Variants in STAT3 observed in about 807,000 individuals in gnomAD.
The protein encoded by STAT3 is DNA-binding protein APRF.
In STAT3, 7 loss-of-function variants were observed where a neutral mutation model predicts 114.3. The ratio of observed to expected loss-of-function variants is 0.06; its 90% CI spans 0.03 to 0.11. The LOEUF (loss-of-function observed/expected upper bound fraction) is 0.11, where lower values mean the gene tolerates loss of function less well. STAT3 is among the 10% of genes least tolerant of loss of function. The pLI is 1.00. For missense variants in STAT3, 364 were observed against 960.9 expected (o/e 0.38, Z 8.21); for synonymous variants, 331 against 354.5 (o/e 0.93, Z 0.74).
intron 1 of STAT3, among the ~76,000 whole-genome samples, chr17:42,375,770 G>T (rs2084415846): frequency 6.6e-6 from 1 of 151,070 alleles, no homozygotes; most frequent in Admixed American, 6.6e-5. Context: ...CGGAGGTTGT[G>T]GTGAGCCGAG....
At chr17:42,345,870 T>C (rs1383490154) in intron 3 of STAT3, among the ~76,000 whole-genome samples, 1 of 140,158 alleles carries the variant, frequency 7.1e-6, no homozygotes, top group Non-Finnish European at 1.5e-5. Flanking sequence ...CACATTAGCC[T>C]GAGTCTTTTT....
intron 1 of STAT3, among the ~76,000 whole-genome samples, chr17:42,384,508 G>A (rs1446130549): frequency 2.0e-5 from 3 of 151,708 alleles, no homozygotes; most frequent in Non-Finnish European, 4.4e-5. Flanking sequence ...TCTTTTGTAA[G>A]TAATCACTTC....
intron 1 of STAT3, among the ~76,000 whole-genome samples, chr17:42,369,221 G>A (rs889903135): frequency 2.6e-5 from 4 of 152,140 alleles, no homozygotes; most frequent in Admixed American, 1.3e-4. Flanking sequence ...AGCCAGGCAT[G>A]GTGGAGGGCA....
In STAT3 at chr17:42,315,621, TA is replaced by T. The variant is rs201259337; in HGVS notation, c.*123del. ...CTCAAAGATAGCAGAAGTAGGAGAT[TA>T]AAAAAAATCTGGAACCACAAAGTTA... is the stretch of plus-strand genomic sequence containing the variant. On this transcript the variant is annotated 3_prime_UTR_variant, in exon 24 of 24. Transcript: ENST00000264657. 56 of 995,876 alleles carry T rather than the reference TA, an allele frequency of 5.6e-5. No individual in the cohort carries two copies. Among genetic ancestry groups the T allele is most frequent in the Non-Finnish European group, 7.8e-5 (49 of 631,580 alleles). 61.7% of individuals were successfully genotyped at this position (995,876 alleles called of 1,614,324 possible). A position where few individuals can be genotyped will look rare whatever the true frequency, so the allele number is the denominator to read the frequency against.
intron 1 of STAT3, among the ~76,000 whole-genome samples, chr17:42,360,968 G>C (rs2083479323): frequency 6.6e-6 from 1 of 152,128 alleles, no homozygotes; most frequent in African/African-American, 2.4e-5. Context: ...TTACAGAAGA[G>C]TGGCCCCTCA....
chr17:42,371,548 C>T (rs1044353409), intron 1 of STAT3, among the ~76,000 whole-genome samples: 1 of 149,412 alleles, frequency 6.7e-6, no homozygotes, highest in Non-Finnish European at 1.5e-5. Context: ...TAGTGGCGGG[C>T]GCCTATAATC....
At chr17:42,370,092 C>T (rs2145243976) in intron 1 of STAT3, among the ~76,000 whole-genome samples, 1 of 151,932 alleles carries the variant, frequency 6.6e-6, no homozygotes, top group Non-Finnish European at 1.5e-5. Context: ...TGCCTCGCCT[C>T]CCGAGTAGCT....
intron 23 of STAT3, chr17:42,316,191 G>A: frequency 3.1e-6 from 2 of 655,248 alleles, no homozygotes; most frequent in South Asian, 2.7e-5. Flanking sequence ...TAAAGGCTTA[G>A]TATGAAAAAA....
In STAT3 at chr17:42,322,265, C is replaced by CATGGAAA; in HGVS notation, c.2101+10_2101+16dup. 1 of 1,614,124 alleles carries CATGGAAA rather than the reference C, an allele frequency of 6.2e-7. No homozygotes were observed. The highest frequency in any genetic ancestry group is 8.5e-7 in the Non-Finnish European group (1 of 1,179,950). On this transcript the variant is annotated intron_variant, in intron 21 of 23. Transcript: ENST00000264657. ...TTTCCCAAAAATTAAATGCCAGGAA[C>CATGGAAA]ATGGAAAATCAACAACTACCTGGGT...
At chr17:42,359,985 G>A (rs17884918) in intron 1 of STAT3, among the ~76,000 whole-genome samples, 10 of 150,998 alleles carry the variant, frequency 6.6e-5, no homozygotes, top group African/African-American at 2.0e-4. Flanking sequence ...GTGTGAACCT[G>A]GGAGGCAGAG....
chr17:42,329,376 AC>A lies in STAT3; in HGVS notation c.1281+33del, dbSNP rs17880983. 0.041 allele frequency: 65,745 copies of A among 1,612,544 alleles called. 5,665 individuals are homozygous for A. The highest frequency in any genetic ancestry group is 0.36 in the African/African-American group (27,063 of 74,838). On this transcript the variant is annotated intron_variant, in intron 14 of 23. Coordinates refer to ENST00000264657, the MANE Select transcript of STAT3 (RefSeq NM_139276.3). ...TACCCCTCTCTCCCTCAAGGAAAAC[AC>A]CCCAGTTGTCTTTCATCCCCAACAA...
intron 1 of STAT3, among the ~76,000 whole-genome samples, chr17:42,378,640 C>T (rs1032741278): frequency 2.0e-5 from 3 of 152,096 alleles, no homozygotes; most frequent in African/African-American, 7.2e-5. Context: ...ACTGATTTGT[C>T]GAGAAAGTCA....
intron 1 of STAT3, among the ~76,000 whole-genome samples, chr17:42,367,129 G>C (rs1055776581): frequency 1.3e-5 from 2 of 151,124 alleles, no homozygotes; most frequent in African/African-American, 4.9e-5. Context: ...GTGACACAGC[G>C]AGACTCCGTC....
chr17:42,322,152 A>C, intron 21 of STAT3, 130 bp downstream of exon 21: 1 of 898,536 alleles, frequency 1.1e-6, no homozygotes, highest in Non-Finnish European at 1.8e-6. Context: ...CACTCACTAC[A>C]ATTCTTTCCC....
chr17:42,354,247 G>GCAGCCTCCACCTCCCAGGTT (rs1254761475), intron 1 of STAT3, among the ~76,000 whole-genome samples: 1 of 140,934 alleles, frequency 7.1e-6, no homozygotes, highest in Non-Finnish European at 1.5e-5. Flanking sequence ...TTGGCTCACT[G>GCAGCCTCCACCTCCCAGGTT]CAGCCTCCAC....
rs1354210741 is a variant in STAT3, at chr17:42,326,217, A to C, written c.1282-18T>G. On this transcript the variant is annotated intron_variant, in intron 14 of 23. Coordinates refer to ENST00000264657, the MANE Select transcript of STAT3 (RefSeq NM_139276.3). Reference sequence around the variant, plus strand: ...AGGGAAGCCTACAGTAACGAGAAGGACACTCTTAGGCCAGGTGTGGTGGCT... The same window carrying C: ...AGGGAAGCCTACAGTAACGAGAAGGCCACTCTTAGGCCAGGTGTGGTGGCT... The C allele has an allele frequency of 6.2e-7, 1 of 1,612,108 alleles. No individual in the cohort carries two copies. Among genetic ancestry groups the C allele is most frequent in the Admixed American group, 1.7e-5 (1 of 59,946 alleles).
chr17:42,340,899 G>A (rs1452149338), intron 4 of STAT3, among the ~76,000 whole-genome samples: 2 of 152,094 alleles, frequency 1.3e-5, no homozygotes, highest in Admixed American at 6.5e-5. Flanking sequence ...GTTTCTAGAA[G>A]CAGGTCTAGA....
At position 42,329,781 on chromosome 17, in the gene STAT3, A is replaced by G; in HGVS notation, c.1110-5T>C. 1 of 1,614,156 alleles carries G rather than the reference A, an allele frequency of 6.2e-7. No homozygotes were observed. Among genetic ancestry groups the G allele is most frequent in the Non-Finnish European group, 8.5e-7 (1 of 1,179,982 alleles). The stretch of plus-strand genomic sequence containing the variant: ...GCTGCAACGTCCCCAGAGTCTCTGT[A>G]AGAACACAGACTGTTGTTAATAAAA... On this transcript the variant is annotated splice_polypyrimidine_tract_variant and splice_region_variant and intron_variant, in intron 11 of 23. Transcript: ENST00000264657.
At chr17:42,316,146 A>T (rs1214939054) in intron 23 of STAT3, 1 of 1,190,526 alleles carries the variant, frequency 8.4e-7, no homozygotes, top group Non-Finnish European at 1.1e-6. Context: ...GTCCAAACTG[A>T]GCTGTGCTGT....
Sources: allele counts gnomAD v4.1 joint callset (sites outside exome capture counted in the v4.1 genomes callset), GRCh38; gene constraint gnomAD v4.1.1; transcripts MANE v1.5; gene names NCBI Gene and HGNC (gene_info 2026-07-23, HGNC 2026-07-21).